CCR2: variants seen among roughly 807,000 people sequenced by gnomAD.
CCR2 encodes C-C chemokine receptor type 2.
For missense variants in CCR2, 408 were observed against 440.0 expected, an observed-to-expected ratio of 0.93 and a Z score of 0.65; for synonymous variants, 183 against 177.1, an observed-to-expected ratio of 1.03 and a Z score of -0.27.
chr3:46,357,660 C>G lies in CCR2; in HGVS notation c.133C>G (p.Leu45Val), dbSNP rs4987052. The change falls in exon 2 of 2, where the codon CTG becomes GTG. Residue 45 changes from leucine to valine, a missense_variant. Transcript: ENST00000445132. ...CGTGAAGCAAATTGGGGCCCAACTC[C>G]TGCCTCCGCTCTACTCGCTGGTGTT... ...FDVKQIGAQL[L>V]PPLYSLVFIF... 1 of 1,614,114 alleles carries G rather than the reference C, an allele frequency of 6.2e-7. No homozygotes were observed. Among genetic ancestry groups the G allele is most frequent in the East Asian group, 2.2e-5 (1 of 44,878 alleles).
chr3:46,357,995 T>C lies in CCR2; in HGVS notation c.468T>C (p.Phe156=), dbSNP rs1701486432. Residue 156 remains phenylalanine, a synonymous_variant, in exon 2 of 2, where the codon TTT becomes TTC. Coordinates refer to ENST00000445132, the MANE Select transcript of CCR2 (RefSeq NM_001123396.4). ...CTTTAAAAGCCAGGACGGTCACCTT[T>C]GGGGTGGTGACAAGTGTGATCACCT... The part of the protein sequence containing the change: ...VFALKARTVT[F]GVVTSVITWL... 6.2e-7 allele frequency: 1 copy of C among 1,614,172 alleles called. No individual in the cohort carries two copies. Among genetic ancestry groups the C allele is most frequent in the Non-Finnish European group, 8.5e-7 (1 of 1,180,008 alleles).
Position 46,359,033 on chromosome 3 carries a change from C to T in CCR2, c.*423C>T. On this transcript the variant is annotated 3_prime_UTR_variant, in exon 2 of 2. Transcript: ENST00000445132. ...AGGGCTGAGAGGAGAAGGAGGGAGA[C>T]ATGAGCATGGCTGAGCCTGGACAAA... The T allele has an allele frequency of 9.8e-7, 1 of 1,022,672 alleles. No individual in the cohort carries two copies. The highest frequency in any genetic ancestry group is 1.2e-6 in the Non-Finnish European group (1 of 843,152). 63.3% of individuals were successfully genotyped at this position (1,022,672 alleles called of 1,614,324 possible). A position where few individuals can be genotyped will look rare whatever the true frequency, so the allele number is the denominator to read the frequency against.
intron 1 of CCR2, 112 bp from the exon 2 acceptor site, chr3:46,357,365 G>T: frequency 1.4e-6 from 1 of 705,960 alleles, no homozygotes. Context: ...GGAGATGGCT[G>T]CAAGGGAGAG....
Position 46,359,656 on chromosome 3 carries a change from A to T in CCR2, c.*1046A>T, listed in dbSNP as rs1370062381. The T allele has an allele frequency of 6.3e-7, 1 of 1,599,882 alleles. No homozygotes were observed. On this transcript the variant is annotated 3_prime_UTR_variant, in exon 2 of 2. Transcript: ENST00000445132. ...TTTTCCCTGCCTTGCCACTCCCCTC[A>T]CTCTTCTCTTTTCCCCACAGCCTTT...
rs1701409178 is a variant in CCR2 at position 46,354,148 on chromosome 3, C to T, written c.-81C>T. 1.3e-5 allele frequency: 2 copies of T among 152,116 alleles called. No homozygotes were observed. The highest frequency in any genetic ancestry group is 1.5e-5 in the Non-Finnish European group (1 of 68,038). The allele number at this position is 152,116 out of a possible 1,614,324, so 9.4% of individuals were successfully genotyped here. On this transcript the variant is annotated 5_prime_UTR_variant, in exon 1 of 2. Coordinates refer to ENST00000445132, the MANE Select transcript of CCR2 (RefSeq NM_001123396.4). The stretch of plus-strand genomic sequence containing the variant: ...TTCAGTTGCTGAGAAGCCTGACATA[C>T]CAGGACTGCCTGAGACAAGCCACAA...
At position 46,359,754 on chromosome 3, in the gene CCR2, G is replaced by A. The variant is rs1287456627; in HGVS notation, c.*1144G>A. ...TGTGGAGGTCCAGGAGTGAGACCAG[G>A]AAAGAATGTGAAAGTGACTACACAA... is the stretch of plus-strand genomic sequence containing the variant. On this transcript the variant is annotated 3_prime_UTR_variant, in exon 2 of 2. Coordinates refer to ENST00000445132, the MANE Select transcript of CCR2 (RefSeq NM_001123396.4). The A allele has an allele frequency of 6.2e-7, 1 of 1,614,028 alleles. No homozygotes were observed. Among genetic ancestry groups the A allele is most frequent in the African/African-American group, 1.3e-5 (1 of 74,926 alleles).
Position 46,359,969 on chromosome 3 carries a change from G to A in CCR2, c.*1359G>A. 1 of 1,046,936 alleles carries A rather than the reference G, an allele frequency of 9.6e-7. No individual in the cohort carries two copies. The highest frequency in any genetic ancestry group is 1.4e-6 in the Non-Finnish European group (1 of 717,500). 64.9% of individuals were successfully genotyped at this position (1,046,936 alleles called of 1,614,324 possible). On this transcript the variant is annotated 3_prime_UTR_variant, in exon 2 of 2. Coordinates refer to ENST00000445132, the MANE Select transcript of CCR2 (RefSeq NM_001123396.4). The stretch of plus-strand genomic sequence containing the variant: ...ACGTTACCAGGCAGGAAGGCTGAGA[G>A]GAGAGAGACTCCAGCTGGGTTGGAA...
chr3:46,358,653 A>G lies in CCR2; in HGVS notation c.*43A>G, dbSNP rs1442954310. 6.5e-6 allele frequency: 10 copies of G among 1,533,002 alleles called. No individual in the cohort carries two copies. Among genetic ancestry groups the G allele is most frequent in the Non-Finnish European group, 8.8e-6 (10 of 1,137,688 alleles). The allele number at this position is 1,533,002 out of a possible 1,614,324, so 95.0% of individuals were successfully genotyped here. ...TTGTTGTTTATAAAGGGAGATAACA[A>G]TCTGTATATAACAACAAACTTCAAG... On this transcript the variant is annotated 3_prime_UTR_variant, in exon 2 of 2. Transcript: ENST00000445132.
Position 46,359,820 on chromosome 3 carries a change from G to A in CCR2, c.*1210G>A, listed in dbSNP as rs774399090. On this transcript the variant is annotated 3_prime_UTR_variant, in exon 2 of 2. Transcript: ENST00000445132. ...CGTGGAAAAGGAAAGTCAATTGGCA[G>A]AGCCCCTGAAGCCAGTCTTCAGGAC... The A allele has an allele frequency of 6.2e-7, 1 of 1,614,094 alleles. No individual in the cohort carries two copies. The highest frequency in any genetic ancestry group is 2.2e-5 in the East Asian group (1 of 44,870).
chr3:46,358,418 CTG>C lies in CCR2; in HGVS notation c.892_893del (p.Cys298LeufsTer69), dbSNP rs1275774754. The C allele has an allele frequency of 8.1e-6, 13 of 1,613,980 alleles. No individual in the cohort carries two copies. Among genetic ancestry groups the C allele is most frequent in the Non-Finnish European group, 1.1e-5 (13 of 1,180,010 alleles). Reference protein sequence around the residue: ...QVTETLGMTHCCINPIIYAFV... With the variant: ...QVTETLGMTHXCINPIIYAFV... ...TGACAGAGACTCTTGGGATGACTCA[CTG>C]CTGCATCAATCCCATCATCTATGCC... On this transcript the variant is annotated frameshift_variant, in exon 2 of 2. Coordinates refer to ENST00000445132, the MANE Select transcript of CCR2 (RefSeq NM_001123396.4). LOFTEE classifies it high-confidence loss of function.
chr3:46,356,601 C>T (rs762822542), intron 1 of CCR2, among the ~76,000 whole-genome samples: 1 of 152,102 alleles, frequency 6.6e-6, no homozygotes, highest in Non-Finnish European at 1.5e-5. Context: ...TCAGTTAGAA[C>T]GTTTTTGACT....
Position 46,359,604 on chromosome 3 carries a change from A to G in CCR2, c.*994A>G. On this transcript the variant is annotated 3_prime_UTR_variant, in exon 2 of 2. Coordinates refer to ENST00000445132, the MANE Select transcript of CCR2 (RefSeq NM_001123396.4). ...GAACCCAGTAAAGCTTCTTGTCTGG[A>G]TCTGAGCTGGTTTGTTTTGTGCTTG... 7.0e-7 allele frequency: 1 copy of G among 1,433,214 alleles called. No homozygotes were observed. Among genetic ancestry groups the G allele is most frequent in the African/African-American group, 1.4e-5 (1 of 69,644 alleles). The allele number at this position is 1,433,214 out of a possible 1,614,324, so 88.8% of individuals were successfully genotyped here.
intron 1 of CCR2, among the ~76,000 whole-genome samples, chr3:46,355,141 C>T (rs957551454): frequency 4.6e-5 from 7 of 152,090 alleles, no homozygotes; most frequent in Non-Finnish European, 1.0e-4. Flanking sequence ...TAATCCAGTC[C>T]TTGATCTTGA....
In CCR2 at chr3:46,357,723, A is replaced by T; in HGVS notation, c.196A>T (p.Ile66Phe). 1 of 1,614,142 alleles carries T rather than the reference A, an allele frequency of 6.2e-7. No individual in the cohort carries two copies. Among genetic ancestry groups the T allele is most frequent in the Non-Finnish European group, 8.5e-7 (1 of 1,180,016 alleles). The part of the protein sequence containing the change: ...GFVGNMLVVL[I>F]LINCKKLKCL... ...TGTGGGCAACATGCTGGTCGTCCTCATCTTAATAAACTGCAAAAAGCTGAA... is the reference window on the plus strand; with the variant it reads ...TGTGGGCAACATGCTGGTCGTCCTCTTCTTAATAAACTGCAAAAAGCTGAA... The change falls in exon 2 of 2, where the codon ATC becomes TTC. Residue 66 changes from isoleucine (I) to phenylalanine (F), a missense_variant. By Grantham distance (21) the Ile-to-Phe change is conservative. Transcript: ENST00000445132.
In CCR2 at chr3:46,360,914, CTA is replaced by C. The variant is rs1701540271; in HGVS notation, c.*2306_*2307del. The C allele has an allele frequency of 6.6e-6, 1 of 152,214 alleles. No homozygotes were observed. The highest frequency in any genetic ancestry group is 2.4e-5 in the African/African-American group (1 of 41,452). The allele number at this position is 152,214 out of a possible 1,614,324, so 9.4% of individuals were successfully genotyped here. ...TTTGGAAAATAAATCAATGCTATAA[CTA>C]TGTTGATAAAAGATTTAAAAACAAC... is the stretch of plus-strand genomic sequence containing the variant. On this transcript the variant is annotated 3_prime_UTR_variant, in exon 2 of 2. Transcript: ENST00000445132.
rs199884389 is a variant in CCR2 at position 46,358,413 on chromosome 3, A to G, written c.886A>G (p.Thr296Ala). ...GCAGGTGACAGAGACTCTTGGGATG[A>G]CTCACTGCTGCATCAATCCCATCAT... ...ATQVTETLGM[T>A]HCCINPIIYA... Residue 296 changes from threonine to alanine, a missense_variant, in exon 2 of 2, where the codon ACT (threonine) becomes GCT (alanine). By Grantham distance (58) the Thr-to-Ala change is moderately conservative. Coordinates refer to ENST00000445132, the MANE Select transcript of CCR2 (RefSeq NM_001123396.4). 6.2e-7 allele frequency: 1 copy of G among 1,613,844 alleles called. No homozygotes were observed. The highest frequency in any genetic ancestry group is 2.2e-5 in the East Asian group (1 of 44,840).
Position 46,357,494 on chromosome 3 carries a change from G to C in CCR2, c.-34G>C. The C allele has an allele frequency of 6.2e-7, 1 of 1,601,658 alleles. No individual in the cohort carries two copies. Among genetic ancestry groups the C allele is most frequent in the Non-Finnish European group, 8.5e-7 (1 of 1,172,398 alleles). ...GTTTACAGAACAGAGAAAGTGGATT[G>C]AACAAGGACGCATTTCCCCAGTACA... On this transcript the variant is annotated 5_prime_UTR_variant, in exon 2 of 2. Coordinates refer to ENST00000445132, the MANE Select transcript of CCR2 (RefSeq NM_001123396.4).
At position 46,357,752 on chromosome 3, in the gene CCR2, C is replaced by T. The variant is rs762239858; in HGVS notation, c.225C>T (p.Cys75=). Residue 75 remains cysteine, a synonymous_variant, in exon 2 of 2, where the codon TGC becomes TGT. Transcript: ENST00000445132. ...LILINCKKLK[C]LTDIYLLNLA... is the part of the protein sequence containing the mutation. ...TAATAAACTGCAAAAAGCTGAAGTG[C>T]TTGACTGACATTTACCTGCTCAACC... The T allele has an allele frequency of 3.7e-6, 6 of 1,614,070 alleles. No individual in the cohort carries two copies. The highest frequency in any genetic ancestry group is 4.5e-5 in the East Asian group (2 of 44,898).
At position 46,360,005 on chromosome 3, in the gene CCR2, T is replaced by C; in HGVS notation, c.*1395T>C. ...CCAGCTGGGTTGGAAAACAGTATTT[T>C]CCAAACTACCTTCCAGTTCCTCATT... is the stretch of plus-strand genomic sequence containing the variant. On this transcript the variant is annotated 3_prime_UTR_variant, in exon 2 of 2. Transcript: ENST00000445132. 1.5e-6 allele frequency: 1 copy of C among 682,988 alleles called. No homozygotes were observed. Among genetic ancestry groups the C allele is most frequent in the East Asian group, 2.9e-5 (1 of 34,586 alleles). 42.3% of individuals were successfully genotyped at this position (682,988 alleles called of 1,614,324 possible).
Sources: allele counts gnomAD v4.1 joint callset (sites outside exome capture counted in the v4.1 genomes callset), GRCh38; gene constraint gnomAD v4.1.1; transcripts MANE v1.5; gene names NCBI Gene and HGNC (gene_info 2026-07-23, HGNC 2026-07-21).